The following CLECL1 variants were observed in gnomAD, a reference collection of about 807,000 sequenced individuals.
The protein encoded by CLECL1 is C-type lectin-like domain family 1.
chr12:9,707,161 T>G, the CLECL1 span, among the ~76,000 whole-genome samples: 3 of 152,162 alleles, frequency 2.0e-5, no homozygotes, highest in Non-Finnish European at 2.9e-5. Context: ...TTTATGTTCA[T>G]TTGAAAAAGC....
chr12:9,731,623 C>T (rs1420920982), intron 1 of CLECL1, among the ~76,000 whole-genome samples: 2 of 152,344 alleles, frequency 1.3e-5, no homozygotes, highest in East Asian at 3.9e-4. Context: ...CACACGTATA[C>T]AGCACAAGAA....
At chr12:9,725,946 A>G (rs1322101400) in intron 3 of CLECL1, among the ~76,000 whole-genome samples, 1 of 152,026 alleles carries the variant, frequency 6.6e-6, no homozygotes. Context: ...TGATGGGATA[A>G]ATCAGTGAGC....
chr12:9,702,431 G>C, the CLECL1 span, among the ~76,000 whole-genome samples: 1 of 152,120 alleles, frequency 6.6e-6, no homozygotes, highest in African/African-American at 2.4e-5. Context: ...TGCCACTCTG[G>C]TGATGGGGCC....
At chr12:9,722,653 A>C (rs1262019772) in exon 4 of CLECL1, 1 of 1,613,466 alleles carries the variant, frequency 6.2e-7, no homozygotes, top group Non-Finnish European at 8.5e-7. Context: ...CCATAGCAGT[A>C]ATGTCTTGAA....
chr12:9,733,018 C>T (rs1280047886), exon 1 of CLECL1: 4 of 1,614,072 alleles, frequency 2.5e-6, no homozygotes, highest in Non-Finnish European at 3.4e-6. Context: ...GCGTAGACTA[C>T]ATCTCCAGCC....
downstream of CLECL1, among the ~76,000 whole-genome samples, chr12:9,714,256 T>G (rs1209345332): frequency 6.6e-5 from 10 of 152,244 alleles, no homozygotes; most frequent in African/African-American, 2.4e-4. Context: ...AGGCCATTCA[T>G]TATCTTTCTA....
In CLECL1 at chr12:9,722,645, A is replaced by G. The variant is rs1219271454; in HGVS notation, n.431T>C. 6 of 1,612,730 alleles carry G rather than the reference A, an allele frequency of 3.7e-6. No individual in the cohort carries two copies. Among genetic ancestry groups the G allele is most frequent in the African/African-American group, 2.7e-5 (2 of 74,880 alleles). ...TCACCTCTAAATGTTAAATCTCACC[A>G]TAGCAGTAATGTCTTGAATCACCAT... On this transcript the variant is annotated non_coding_transcript_exon_variant, in exon 4 of 4. Coordinates refer to ENST00000621400, the Ensembl canonical transcript of CLECL1.
chr12:9,714,490 GC>G (rs1480432695), downstream of CLECL1, among the ~76,000 whole-genome samples: 1 of 152,182 alleles, frequency 6.6e-6, no homozygotes, highest in Non-Finnish European at 1.5e-5. Context: ...GGCCTAAACA[GC>G]CTGCAGCTTT....
the CLECL1 span, among the ~76,000 whole-genome samples, chr12:9,705,516 T>C: frequency 2.6e-5 from 4 of 152,352 alleles, no homozygotes; most frequent in South Asian, 8.3e-4. Context: ...GGTTTTCTTC[T>C]ATGGTTTTTA....
chr12:9,717,682 A>G (rs1287545215), downstream of CLECL1, among the ~76,000 whole-genome samples: 1 of 152,184 alleles, frequency 6.6e-6, no homozygotes, highest in African/African-American at 2.4e-5. Flanking sequence ...TATGTTAAAA[A>G]CAATCAGTTG....
downstream of CLECL1, among the ~76,000 whole-genome samples, chr12:9,717,751 T>C (rs1866256162): frequency 6.6e-6 from 1 of 152,154 alleles, no homozygotes; most frequent in Non-Finnish European, 1.5e-5. Flanking sequence ...TCTATATATC[T>C]CTCCTTTGAC....
At chr12:9,712,721 C>T (rs1866208994), downstream of CLECL1, among the ~76,000 whole-genome samples, 1 of 152,070 alleles carries the variant, frequency 6.6e-6, no homozygotes, top group African/African-American at 2.4e-5. Context: ...GGTAATTTCT[C>T]TTTTATTCCT....
the CLECL1 span, among the ~76,000 whole-genome samples, chr12:9,703,801 C>G: frequency 6.6e-6 from 1 of 152,064 alleles, no homozygotes; most frequent in Non-Finnish European, 1.5e-5. Flanking sequence ...TGCTTTAAAA[C>G]TTTAAGACAA....
downstream of CLECL1, among the ~76,000 whole-genome samples, chr12:9,720,630 C>A (rs1435418240): frequency 6.6e-6 from 1 of 152,012 alleles, no homozygotes; most frequent in African/African-American, 2.4e-5. Context: ...TGTGAGCCAC[C>A]GCGCCCAGCC....
chr12:9,721,496 T>A (rs1866312360), downstream of CLECL1, among the ~76,000 whole-genome samples: 1 of 152,224 alleles, frequency 6.6e-6, no homozygotes, highest in Non-Finnish European at 1.5e-5. Flanking sequence ...CTGGAGGAAG[T>A]AAGTTTCCGT....
chr12:9,731,510 G>A (rs994492407), intron 1 of CLECL1, among the ~76,000 whole-genome samples: 27 of 152,330 alleles, frequency 1.8e-4, no homozygotes, highest in Middle Eastern at 3.4e-3. Context: ...GAACAATTGT[G>A]TAGGACTCTG....
exon 3 of CLECL1, chr12:9,716,396 C>G (rs917514033): frequency 6.4e-6 from 1 of 156,552 alleles, no homozygotes; most frequent in East Asian, 1.9e-4. Flanking sequence ...TCTGCTATCA[C>G]CAATCACTCT....
upstream of CLECL1, among the ~76,000 whole-genome samples, chr12:9,734,063 C>T (rs1866487084): frequency 6.6e-6 from 1 of 152,210 alleles, no homozygotes; most frequent in African/African-American, 2.4e-5. Context: ...TGAAAAATGG[C>T]AGGATCCATT....
the CLECL1 span, among the ~76,000 whole-genome samples, chr12:9,705,585 T>C: frequency 1.3e-5 from 2 of 152,166 alleles, no homozygotes; most frequent in African/African-American, 4.8e-5. Flanking sequence ...TTGTATATGA[T>C]ATAAGGAAGG....
Sources: allele counts gnomAD v4.1 joint callset (sites outside exome capture counted in the v4.1 genomes callset), GRCh38; gene constraint gnomAD v4.1.1; transcripts MANE v1.5; gene names NCBI Gene and HGNC (gene_info 2026-07-23, HGNC 2026-07-21).